TRIM37: variants seen among roughly 807,000 people sequenced by gnomAD.
The protein encoded by TRIM37 is tripartite motif containing 37, also known as E3 ubiquitin-protein ligase TRIM37.
A neutral mutation model predicts 129.8 loss-of-function variants in TRIM37; 80 were observed. The observed-to-expected ratio is 0.62, with a 90% CI of 0.51 to 0.74. TRIM37 has a LOEUF of 0.74. Among genes scored for constraint, TRIM37 ranks in the 30% least tolerant of loss-of-function variants. The probability of loss-of-function intolerance (pLI) is 0.00; values close to 1 mark genes in which losing one functional copy is unlikely to be tolerated. For synonymous variants in TRIM37, 389 were observed against 387.1 expected (o/e 1.00, Z -0.06); for missense variants, 1,054 against 1,176.5 (o/e 0.90, Z 1.52).
chr17:58,994,479 TGA>T (rs2144231576), downstream of TRIM37, among the ~76,000 whole-genome samples: 2 of 152,328 alleles, frequency 1.3e-5, no homozygotes, highest in Non-Finnish European at 2.9e-5. Flanking sequence ...CCCAGCTACC[TGA>T]GAGGCTGAGG....
chr17:59,003,227 G>A (rs2034014060), intron 22 of TRIM37, among the ~76,000 whole-genome samples: 1 of 152,128 alleles, frequency 6.6e-6, no homozygotes, highest in African/African-American at 2.4e-5. Context: ...TCTGCCTACT[G>A]GCATAGGAAA....
chr17:59,024,214 CAAA>C (rs1237722939), intron 19 of TRIM37, among the ~76,000 whole-genome samples: 77 of 74,964 alleles, frequency 1.0e-3, no homozygotes, highest in South Asian at 4.0e-3. Flanking sequence ...AATTCCGTAT[CAAA>C]AAAAAAAAAA....
chr17:59,020,313 T>A, intron 19 of TRIM37, among the ~76,000 whole-genome samples: 1 of 125,810 alleles, frequency 7.9e-6, no homozygotes, highest in South Asian at 2.5e-4. Flanking sequence ...AGACAATGGA[T>A]GAAATAAATC....
intron 13 of TRIM37, 95 bp from the exon 14 acceptor site, chr17:59,051,423 A>T (rs1692789123): frequency 1.2e-6 from 1 of 830,690 alleles, no homozygotes; most frequent in Non-Finnish European, 2.0e-6. Context: ...ACTTGATTAT[A>T]AGGCCAAAAT....
At chr17:59,073,362 C>T (rs1352030221) in intron 8 of TRIM37, among the ~76,000 whole-genome samples, 1 of 151,842 alleles carries the variant, frequency 6.6e-6, no homozygotes, top group Non-Finnish European at 1.5e-5. Context: ...GGCACGATCT[C>T]GGCTCACCGC....
At chr17:59,025,250 T>G (rs2145418401) in intron 19 of TRIM37, among the ~76,000 whole-genome samples, 1 of 152,202 alleles carries the variant, frequency 6.6e-6, no homozygotes, top group Middle Eastern at 3.4e-3. Flanking sequence ...TTATATGAAT[T>G]AATGACCTAT....
At chr17:58,969,715 A>G in the TRIM37 span, 2 of 1,614,144 alleles carry the variant, frequency 1.2e-6, no homozygotes, top group African/African-American at 2.7e-5. Flanking sequence ...TTGTGCAGAA[A>G]GCAGCCAGGG....
intron 22 of TRIM37, among the ~76,000 whole-genome samples, chr17:59,011,570 A>G (rs1381951593): frequency 6.6e-6 from 1 of 152,240 alleles, no homozygotes; most frequent in Non-Finnish European, 1.5e-5. Context: ...GAGAGTTGAC[A>G]TTCTTTTCTA....
At chr17:58,976,111 G>A in the TRIM37 span, among the ~76,000 whole-genome samples, 18 of 152,126 alleles carry the variant, frequency 1.2e-4, no homozygotes, top group East Asian at 1.9e-4. Context: ...TTTTTAGGAC[G>A]AGGAGATTTT....
the TRIM37 span, chr17:58,972,918 A>G: frequency 3.1e-6 from 5 of 1,611,922 alleles, no homozygotes; most frequent in Non-Finnish European, 4.2e-6. Flanking sequence ...CGGTTTCCAG[A>G]GCTATTGGTA....
In TRIM37 at chr17:59,106,841, T is replaced by C. The variant is rs1425232949; in HGVS notation, c.-380A>G. 5.1e-6 allele frequency: 2 copies of C among 392,932 alleles called. No individual in the cohort carries two copies. Among genetic ancestry groups the C allele is most frequent in the Non-Finnish European group, 9.3e-6 (2 of 215,736 alleles). 24.3% of individuals were successfully genotyped at this position (392,932 alleles called of 1,614,324 possible). On this transcript the variant is annotated 5_prime_UTR_variant, in exon 1 of 24. Transcript: ENST00000262294. ...GCAGAGAATTCGCAAACACCAACCG[T>C]AACCAGAGCAGCTGGGGGCGCGGCG...
intron 16 of TRIM37, among the ~76,000 whole-genome samples, chr17:59,042,778 G>A (rs1230472191): frequency 6.6e-6 from 1 of 151,248 alleles, no homozygotes; most frequent in Non-Finnish European, 1.5e-5. Flanking sequence ...GGACAGGACA[G>A]GACAGGAAAG....
the TRIM37 span, among the ~76,000 whole-genome samples, chr17:58,970,876 C>A: frequency 6.6e-6 from 1 of 151,926 alleles, no homozygotes; most frequent in African/African-American, 2.4e-5. Context: ...AGAGGTGACC[C>A]GTAATCATCA....
At chr17:58,997,067 A>G (rs757971568), downstream of TRIM37, among the ~76,000 whole-genome samples, 15 of 152,156 alleles carry the variant, frequency 9.9e-5, no homozygotes, top group Non-Finnish European at 1.6e-4. Context: ...ACAAAATACA[A>G]TGTGGGATCC....
At chr17:59,014,243 T>C (rs1301497232) in intron 21 of TRIM37, among the ~76,000 whole-genome samples, 3 of 152,208 alleles carry the variant, frequency 2.0e-5, no homozygotes, top group Non-Finnish European at 2.9e-5. Context: ...ACCTTGACTA[T>C]ATAAAATTAA....
intron 16 of TRIM37, among the ~76,000 whole-genome samples, chr17:59,047,225 T>C (rs1178405719): frequency 6.6e-6 from 1 of 152,036 alleles, no homozygotes; most frequent in Non-Finnish European, 1.5e-5. Flanking sequence ...AAATGCAACA[T>C]GATCCTGACA....
intron 17 of TRIM37, among the ~76,000 whole-genome samples, chr17:59,034,478 G>T (rs916637776): frequency 6.6e-6 from 1 of 151,720 alleles, no homozygotes; most frequent in African/African-American, 2.4e-5. Flanking sequence ...TCCTGCCTCA[G>T]CCTCCCTAGT....
downstream of TRIM37, chr17:58,980,263 A>C: frequency 3.1e-6 from 5 of 1,614,216 alleles, no homozygotes; most frequent in Non-Finnish European, 4.2e-6. The surrounding 1 kb of genome is among the most constrained non-coding windows in gnomAD (Gnocchi z 4.7). Context: ...TTAGTGAGGA[A>C]TCAGATTGGA....
At chr17:59,025,305 G>T (rs1173166033) in intron 19 of TRIM37, among the ~76,000 whole-genome samples, 2 of 151,444 alleles carry the variant, frequency 1.3e-5, no homozygotes, top group African/African-American at 4.9e-5. Context: ...GAAATTAAGG[G>T]TTATTTTTAT....
Sources: allele counts gnomAD v4.1 joint callset (sites outside exome capture counted in the v4.1 genomes callset), GRCh38; gene constraint gnomAD v4.1.1; non-coding constraint Gnocchi (gnomAD v3.1); transcripts MANE v1.5; gene names NCBI Gene and HGNC (gene_info 2026-07-23, HGNC 2026-07-21).